The following BRD1 variants were observed in gnomAD, a reference collection of about 807,000 sequenced individuals.
The protein encoded by BRD1 is bromodomain containing 1, also known as bromodomain-containing protein 1.
Under a neutral mutation model 107.7 loss-of-function variants are expected in BRD1, and 24 were observed. That is an observed-to-expected ratio of 0.22 (90% CI 0.16 to 0.31). BRD1 has a LOEUF of 0.31. Among genes scored for constraint, BRD1 ranks in the 10% least tolerant of loss-of-function variants. The probability of loss-of-function intolerance (pLI) is 1.00; values close to 1 mark genes in which losing one functional copy is unlikely to be tolerated. For missense variants in BRD1, 1,279 were observed against 1,638.6 expected (o/e 0.78, Z 3.79); for synonymous variants, 744 against 686.1 (o/e 1.08, Z -1.32).
intron 8 of BRD1, among the ~76,000 whole-genome samples, chr22:49,784,152 C>T (rs2059272354): frequency 6.6e-6 from 1 of 151,582 alleles, no homozygotes; most frequent in South Asian, 2.1e-4. Context: ...ACAAAGACAT[C>T]CCCACACTCT....
In BRD1 at chr22:49,797,937, G is replaced by A. The variant is rs141393875; in HGVS notation, c.1966C>T (p.Arg656Cys). ...CTCAGAACAACACCTCCCTGATCGC[G>A]CAGCCTCACCGCGGCTCTATAGAAC... ...TVFYRAAVRL[R>C]DQGGVVLRQA... The change falls in exon 6 of 13, where the codon CGC (arginine) becomes TGC (cysteine). Residue 656 changes from arginine to cysteine, a missense_variant. Arg to Cys is a radical substitution (Grantham distance 180, BLOSUM62 -3). Coordinates refer to ENST00000404760, the MANE Select transcript of BRD1 (RefSeq NM_001304808.3). The A allele has an allele frequency of 2.0e-5, 32 of 1,614,044 alleles. No individual in the cohort carries two copies. Among genetic ancestry groups the A allele is most frequent in the East Asian group, 2.2e-5 (1 of 44,884 alleles).
chr22:49,826,079 G>C (rs2060145233), intron 1 of BRD1: 2 of 774,036 alleles, frequency 2.6e-6, no homozygotes, highest in Middle Eastern at 6.4e-4. Context: ...TGCAGAGAGC[G>C]ACCCTAGTGC....
Position 49,775,735 on chromosome 22 carries a change from G to C in BRD1, c.3242C>G (p.Pro1081Arg). 1 of 1,602,164 alleles carries C rather than the reference G, an allele frequency of 6.2e-7. No homozygotes were observed. Among genetic ancestry groups the C allele is most frequent in the Non-Finnish European group, 8.5e-7 (1 of 1,175,950 alleles). ...GTGGCCAGGCACACGGGGCATCTTG[G>C]GGTCGATGATCTGCACGAGAAGGAC... Reference protein sequence around the residue: ...YPSYPALIIDPKMPRVPGHHN... With the variant: ...YPSYPALIIDRKMPRVPGHHN... The change falls in exon 12 of 13, where the codon CCC (proline) becomes CGC (arginine). Residue 1081 changes from proline to arginine, a missense_variant. Coordinates refer to ENST00000404760, the MANE Select transcript of BRD1 (RefSeq NM_001304808.3).
intron 2 of BRD1, among the ~76,000 whole-genome samples, chr22:49,814,161 G>T (rs1355631761): frequency 3.9e-5 from 6 of 152,130 alleles, no homozygotes; most frequent in Non-Finnish European, 8.8e-5. Flanking sequence ...AAGAACAGGG[G>T]GCTCTCTCCA....
chr22:49,783,185 C>G lies in BRD1; in HGVS notation c.2857+4205G>C, dbSNP rs1181411912. Among the ~76,000 whole-genome samples, 1 of 152,264 alleles carries G rather than the reference C, an allele frequency of 6.6e-6. No homozygotes were observed. Among genetic ancestry groups the G allele is most frequent in the Non-Finnish European group, 1.5e-5 (1 of 68,050 alleles). On this transcript the variant is annotated intron_variant, in intron 8 of 12. Transcript: ENST00000404760. The surrounding 1 kb of genome is among the most constrained non-coding windows in gnomAD (Gnocchi z 4.2). ...GGATGGTCAGAGACAGACCCAAGGCCCAGGACAGACGCCTGCACAAGATCC... is the reference window on the plus strand; with the variant it reads ...GGATGGTCAGAGACAGACCCAAGGCGCAGGACAGACGCCTGCACAAGATCC...
intron 3 of BRD1, among the ~76,000 whole-genome samples, chr22:49,801,254 G>A (rs910405994): frequency 6.6e-6 from 1 of 152,202 alleles, no homozygotes; most frequent in African/African-American, 2.4e-5. Context: ...TGCCGCCCCC[G>A]TTCTCCCTGC....
chr22:49,808,591 T>TA (rs2147247180), intron 2 of BRD1, among the ~76,000 whole-genome samples: 1 of 152,226 alleles, frequency 6.6e-6, no homozygotes, highest in South Asian at 2.1e-4. Context: ...GCTCTGAAGA[T>TA]AGATGGTGGT....
At chr22:49,816,154 C>T (rs2059947204) in intron 2 of BRD1, among the ~76,000 whole-genome samples, 1 of 152,174 alleles carries the variant, frequency 6.6e-6, no homozygotes, top group Admixed American at 6.5e-5. Context: ...AAAAAATTAA[C>T]AGCCAGAAAC....
chr22:49,797,290 C>T (rs1421844764), intron 6 of BRD1, among the ~76,000 whole-genome samples: 1 of 152,244 alleles, frequency 6.6e-6, no homozygotes, highest in African/African-American at 2.4e-5. Context: ...ATGCGCAAAC[C>T]ACGAAGTTAA....
intron 2 of BRD1, 132 bp from the exon 3 acceptor site, chr22:49,804,492 T>C (rs1161032018): frequency 2.5e-5 from 24 of 974,842 alleles, no homozygotes; most frequent in Admixed American, 9.3e-5. Context: ...ATGACACCTG[T>C]ATTTCTACTA....
Position 49,787,887 on chromosome 22 carries a change from C to A in BRD1, c.2360G>T (p.Gly787Val). ...TTCAAGTTTAGGGGGAGATTTATCTCCTGAAAAAATTATAAATAAAGTGAT... is the reference window on the plus strand; with the variant it reads ...TTCAAGTTTAGGGGGAGATTTATCTACTGAAAAAATTATAAATAAAGTGAT... ...AALGPEAGEE[G>V]DKSPPKLEPS... The change falls in exon 8 of 13, where the codon GGA becomes GTA. Residue 787 changes from glycine (G) to valine (V), a missense_variant and splice_region_variant. Transcript: ENST00000404760. The A allele has an allele frequency of 1.3e-6, 2 of 1,497,976 alleles. No individual in the cohort carries two copies. Among genetic ancestry groups the A allele is most frequent in the South Asian group, 2.6e-5 (2 of 76,916 alleles). 92.8% of individuals were successfully genotyped at this position (1,497,976 alleles called of 1,614,324 possible).
chr22:49,809,647 A>G (rs1055744151), intron 2 of BRD1, among the ~76,000 whole-genome samples: 4 of 152,282 alleles, frequency 2.6e-5, no homozygotes, highest in Non-Finnish European at 2.9e-5. Context: ...TAAGGAGCAG[A>G]AAGTGGGTAC....
rs917810880 is a variant in BRD1 at position 49,803,441 on chromosome 22, A to G, written c.1524+763T>C. Among the ~76,000 whole-genome samples the G allele has an allele frequency of 2.6e-5, 4 of 152,214 alleles. No individual in the cohort carries two copies. Among genetic ancestry groups the G allele is most frequent in the African/African-American group, 9.6e-5 (4 of 41,452 alleles). On this transcript the variant is annotated intron_variant, in intron 3 of 12. Coordinates refer to ENST00000404760, the MANE Select transcript of BRD1 (RefSeq NM_001304808.3). This position sits in a 1 kb window ranked among gnomAD's most constrained non-coding sequence, Gnocchi z 4.4. ...TCCAAAAGACCAGCGGCTCCTCACT[A>G]GGCAGCGTGGGCAGAGGGCGCTGGC...
At chr22:49,801,523 C>T (rs1035862613) in intron 3 of BRD1, among the ~76,000 whole-genome samples, 1 of 152,216 alleles carries the variant, frequency 6.6e-6, no homozygotes, top group Non-Finnish European at 1.5e-5. Flanking sequence ...CAGGAGAAGG[C>T]AGAAGCACAG....
Position 49,777,781 on chromosome 22 carries a change from C to T in BRD1, c.2890G>A (p.Glu964Lys), listed in dbSNP as rs770224322. 11 of 1,604,242 alleles carry T rather than the reference C, an allele frequency of 6.9e-6. No individual in the cohort carries two copies. The Middle Eastern group carries it at 6.6e-4, about 96-fold the overall frequency. ...LTNGFGGARS[E>K]QEPGGGLGRK... Reference sequence around the variant, plus strand: ...CCCAGGCCGCCGCCCGGCTCCTGCTCGCTCCTCGCACCCCCAAAGCCGTTG... The same window carrying T: ...CCCAGGCCGCCGCCCGGCTCCTGCTTGCTCCTCGCACCCCCAAAGCCGTTG... Residue 964 changes from glutamate to lysine, a missense_variant, in exon 9 of 13, where the codon GAG (glutamate) becomes AAG (lysine). This residue lies in a region of BRD1 where 263 missense variants were observed against 251.6 expected (regional missense o/e 1.05). Transcript: ENST00000404760.
In BRD1 at chr22:49,775,861, A is replaced by AGCTATGTGAGCCTCCTCAGAACT. The variant is rs2059083208; in HGVS notation, c.3232-117_3232-116insAGTTCTGAGGAGGCTCACATAGC. 4 of 866,814 alleles carry AGCTATGTGAGCCTCCTCAGAACT rather than the reference A, an allele frequency of 4.6e-6. No homozygotes were observed. In the African/African-American group the frequency reaches 1.3e-4, roughly 27 times the overall value. 53.7% of individuals were successfully genotyped at this position (866,814 alleles called of 1,614,324 possible). On this transcript the variant is annotated intron_variant, in intron 11 of 12. Transcript: ENST00000404760. ...CCAGCTGTGTGAGCCTCCTCAGACC[A>AGCTATGTGAGCCTCCTCAGAACT]CCCCCACGCCCCCCTCGCCGAACCA...
rs549831886 is a variant in BRD1 at position 49,777,770 on chromosome 22, C to G, written c.2901G>C (p.Pro967=). Residue 967 remains proline (P), a synonymous_variant, in exon 9 of 13, where the codon CCG becomes CCC. Coordinates refer to ENST00000404760, the MANE Select transcript of BRD1 (RefSeq NM_001304808.3). ...TGGCCTTCCTCCCCAGGCCGCCGCC[C>G]GGCTCCTGCTCGCTCCTCGCACCCC... is the stretch of plus-strand genomic sequence containing the variant. ...GFGGARSEQE[P]GGGLGRKATP... The G allele has an allele frequency of 1.9e-6, 3 of 1,605,274 alleles. No individual in the cohort carries two copies. The highest frequency in any genetic ancestry group is 2.2e-5 in the South Asian group (2 of 89,844).
intron 1 of BRD1, chr22:49,826,145 A>G: frequency 1.0e-6 from 1 of 982,772 alleles, no homozygotes; most frequent in Non-Finnish European, 1.2e-6. Context: ...ACAGTTGGTT[A>G]CTCACCAGAT....
chr22:49,798,131 G>T lies in BRD1; in HGVS notation c.1786-14C>A. 2 of 1,584,496 alleles carry T rather than the reference G, an allele frequency of 1.3e-6. No individual in the cohort carries two copies. Among genetic ancestry groups the T allele is most frequent in the South Asian group, 1.1e-5 (1 of 87,754 alleles). On this transcript the variant is annotated splice_polypyrimidine_tract_variant and intron_variant, in intron 5 of 12. Transcript: ENST00000404760. ...ATAATCTGGTACCTAATTTTAGGGA[G>T]GAAAAAGAATCATTTACAAACTAAA...
Sources: gnomAD v4.1 joint callset for allele counts (sites outside exome capture counted in the v4.1 genomes callset) on GRCh38, gnomAD v4.1.1 for gene constraint, gnomAD v4.1.1 regional missense constraint, Gnocchi (gnomAD v3.1) non-coding constraint, MANE v1.5 for transcripts, NCBI Gene and HGNC (gene_info 2026-07-23, HGNC 2026-07-21) for gene names.